Variants in CDH2 observed in about 807,000 individuals in gnomAD.
CDH2 encodes cadherin-2.
A neutral mutation model predicts 92.0 loss-of-function variants in CDH2; 17 were observed. The ratio of observed to expected loss-of-function variants is 0.18; its 90% CI spans 0.13 to 0.28. The LOEUF (loss-of-function observed/expected upper bound fraction) is 0.28. Among genes scored for constraint, CDH2 ranks in the 10% least tolerant of loss-of-function variants. CDH2 has a pLI of 1.00. For synonymous variants in CDH2, 419 were observed against 415.9 expected, an observed-to-expected ratio of 1.01 and a Z score of -0.09; for missense variants, 862 against 1,133.1, an observed-to-expected ratio of 0.76 and a Z score of 3.44.
At chr18:28,088,589 A>G (rs748427259) in intron 2 of CDH2, among the ~76,000 whole-genome samples, 26 of 152,216 alleles carry the variant, frequency 1.7e-4, no homozygotes, top group Admixed American at 5.2e-4. Flanking sequence ...TGGGGAGGAA[A>G]TGTCCTGGGG....
chr18:28,111,003 A>C (rs995516590), intron 2 of CDH2, among the ~76,000 whole-genome samples: 4 of 152,142 alleles, frequency 2.6e-5, no homozygotes, highest in Non-Finnish European at 4.4e-5. Flanking sequence ...AAGAAAGAAA[A>C]TGCCCATCCA....
At chr18:28,064,136 A>AG (rs779314941) in intron 2 of CDH2, among the ~76,000 whole-genome samples, 29,095 of 147,904 alleles carry the variant, frequency 0.2, 3,245 homozygotes, top group Non-Finnish European at 0.26. Flanking sequence ...TCCTCAAAAG[A>AG]GGGGGGGGTA....
chr18:28,084,781 T>G (rs1300574900), intron 2 of CDH2, among the ~76,000 whole-genome samples: 2 of 152,250 alleles, frequency 1.3e-5, no homozygotes, highest in South Asian at 4.1e-4. Context: ...TGAAAACTTC[T>G]GGGGGAAAAT....
Position 28,003,160 on chromosome 18 carries a change from A to G in CDH2, c.857T>C (p.Val286Ala), listed in dbSNP as rs760335891. ...VPEGSKPGTY[V>A]MTVTAIDADD... The stretch of plus-strand genomic sequence containing the variant: ...AGCATCAATTGCTGTTACGGTCATC[A>G]CATATGTTCCTAGAGACAGTGTACA... Residue 286 changes from valine to alanine, a missense_variant, in exon 7 of 16, where the codon GTG (valine) becomes GCG (alanine). Val to Ala is a moderately conservative substitution (Grantham distance 64). Transcript: ENST00000269141. 5 of 1,613,682 alleles carry G rather than the reference A, an allele frequency of 3.1e-6. No homozygotes were observed. Among genetic ancestry groups the G allele is most frequent in the South Asian group, 1.1e-5 (1 of 91,062 alleles).
chr18:28,171,615 A>T (rs928637148), intron 1 of CDH2, among the ~76,000 whole-genome samples: 3 of 152,242 alleles, frequency 2.0e-5, no homozygotes, highest in African/African-American at 7.2e-5. Context: ...AACTACGGTT[A>T]ATAAATCTTC....
At chr18:28,125,870 T>C (rs1440349122) in intron 2 of CDH2, among the ~76,000 whole-genome samples, 1 of 152,158 alleles carries the variant, frequency 6.6e-6, no homozygotes, top group Non-Finnish European at 1.5e-5. Context: ...TAAGAAATAT[T>C]TTAGGGTGTA....
intron 1 of CDH2, among the ~76,000 whole-genome samples, chr18:28,166,155 T>TATATATATATATATATAC: frequency 7.5e-6 from 1 of 133,558 alleles, no homozygotes; most frequent in Non-Finnish European, 1.6e-5. Flanking sequence ...CACTCATATA[T>TATATATATATATATATAC]ATATATATAT....
At chr18:28,097,366 CT>C (rs201426070) in intron 2 of CDH2, 1 of 51,388 alleles carries the variant, frequency 1.9e-5, no homozygotes, top group African/African-American at 8.3e-5. Context: ...AGTTTTGTTC[CT>C]TTTTTTAAAA....
At chr18:28,023,261 A>T (rs903089241) in intron 2 of CDH2, among the ~76,000 whole-genome samples, 2 of 152,156 alleles carry the variant, frequency 1.3e-5, no homozygotes, top group Non-Finnish European at 2.9e-5. Context: ...CCTTCATATC[A>T]TCTATAGCCT....
chr18:27,972,968 G>A (rs937105674), intron 14 of CDH2, among the ~76,000 whole-genome samples: 4 of 152,244 alleles, frequency 2.6e-5, no homozygotes, highest in Admixed American at 6.5e-5. Flanking sequence ...AATGGACTAC[G>A]TTAAAAAAGT....
Position 28,177,057 on chromosome 18 carries a change from AGGCGGCGGCGGCGGC to A in CDH2, c.-50_-36del, listed in dbSNP as rs3833200. The A allele has an allele frequency of 1.9e-5, 25 of 1,302,424 alleles. No individual in the cohort carries two copies. In the East Asian group the frequency reaches 4.2e-4, roughly 22 times the overall value. The allele number at this position is 1,302,424 out of a possible 1,614,324, so 80.7% of individuals were successfully genotyped here. A position where few individuals can be genotyped will look rare whatever the true frequency, so the allele number is the denominator to read the frequency against. ...GAGGGGCCGAGCGAAGAGCCGGAGGAGGCGGCGGCGGCGGCGGCGGCGGCGGAGGAGGAGGAGGCA... is the reference window on the plus strand; with the variant it reads ...GAGGGGCCGAGCGAAGAGCCGGAGGAGGCGGCGGCGGAGGAGGAGGAGGCA... On this transcript the variant is annotated 5_prime_UTR_variant, in exon 1 of 16. Transcript: ENST00000269141.
chr18:28,085,820 T>C (rs1325483465), intron 2 of CDH2, among the ~76,000 whole-genome samples: 1 of 152,186 alleles, frequency 6.6e-6, no homozygotes, highest in African/African-American at 2.4e-5. Context: ...AAGTACTTAA[T>C]GTGCTGAATG....
At chr18:28,168,378 G>A (rs998225974) in intron 1 of CDH2, among the ~76,000 whole-genome samples, 2 of 151,976 alleles carry the variant, frequency 1.3e-5, no homozygotes, top group South Asian at 2.1e-4. Flanking sequence ...ATTAGTGTGC[G>A]AAAAAGTAAT....
chr18:28,008,751 A>G (rs1229055888), intron 5 of CDH2, among the ~76,000 whole-genome samples: 1 of 152,164 alleles, frequency 6.6e-6, no homozygotes, highest in Non-Finnish European at 1.5e-5. Flanking sequence ...ATATAAAAAA[A>G]AAAAAGAAAA....
chr18:28,035,830 C>T (rs11564413), intron 2 of CDH2, among the ~76,000 whole-genome samples: 11 of 151,812 alleles, frequency 7.2e-5, no homozygotes, highest in Non-Finnish European at 1.3e-4. Flanking sequence ...GCACTGTGAG[C>T]GAGTTGAAAA....
At chr18:28,044,675 T>TA (rs2014035117) in intron 2 of CDH2, among the ~76,000 whole-genome samples, 2 of 152,162 alleles carry the variant, frequency 1.3e-5, no homozygotes, top group Non-Finnish European at 2.9e-5. Context: ...TGAACATTAT[T>TA]TTAACAGTAT....
At position 28,133,033 on chromosome 18, in the gene CDH2, C is replaced by T. The variant is rs142653877; in HGVS notation, c.172+14640G>A. Among the ~76,000 whole-genome samples the T allele has an allele frequency of 8.5e-5, 13 of 152,280 alleles. No homozygotes were observed. In the East Asian group the frequency reaches 2.1e-3, roughly 25 times the overall value. On this transcript the variant is annotated intron_variant, in intron 2 of 15. Coordinates refer to ENST00000269141, the MANE Select transcript of CDH2 (RefSeq NM_001792.5). ...ACATTCTCCTTATCTATATCTCTTCCTTATCCATTCAAACTGCCCTTCTTG... is the reference window on the plus strand; with the variant it reads ...ACATTCTCCTTATCTATATCTCTTCTTTATCCATTCAAACTGCCCTTCTTG...
chr18:28,091,763 T>C (rs550495851), intron 2 of CDH2, among the ~76,000 whole-genome samples: 1 of 152,284 alleles, frequency 6.6e-6, no homozygotes, highest in Non-Finnish European at 1.5e-5. Context: ...GGTAAACTTA[T>C]CTTTTCATTT....
chr18:28,012,637 G>A (rs947820242), intron 3 of CDH2, among the ~76,000 whole-genome samples: 1 of 152,122 alleles, frequency 6.6e-6, no homozygotes, highest in Non-Finnish European at 1.5e-5. Context: ...AAATATCCAA[G>A]CTAGTTTGCT....
Sources: gnomAD v4.1 joint callset for allele counts (sites outside exome capture counted in the v4.1 genomes callset) on GRCh38, gnomAD v4.1.1 for gene constraint, MANE v1.5 for transcripts, NCBI Gene and HGNC (gene_info 2026-07-23, HGNC 2026-07-21) for gene names.